The following LAMA1 variants were observed in gnomAD, a reference collection of about 807,000 sequenced individuals.
The protein encoded by LAMA1 is laminin subunit alpha 1, also known as laminin subunit alpha-1.
In LAMA1, 219 loss-of-function variants were observed where a neutral mutation model predicts 348.7. The observed-to-expected ratio is 0.63, with a 90% CI of 0.56 to 0.70. The LOEUF is 0.70. LAMA1 is among the 30% of genes least tolerant of loss of function. The pLI is 0.00. For synonymous variants in LAMA1, 1,487 were observed against 1,491.0 expected (o/e 1.00, Z 0.06); for missense variants, 3,744 against 3,888.0 (o/e 0.96, Z 0.99).
intron 54 of LAMA1, 102 bp downstream of exon 54, chr18:6,959,239 C>G (rs2057595480): frequency 1.4e-6 from 2 of 1,476,940 alleles, no homozygotes; most frequent in South Asian, 1.1e-5. Context: ...TGCCGATGAC[C>G]CCAGTCATCT....
intron 29 of LAMA1, 86 bp from the exon 30 acceptor site, chr18:7,002,471 G>A (rs772737514): frequency 1.1e-4 from 144 of 1,348,522 alleles, no homozygotes; most frequent in Non-Finnish European, 1.3e-4. Context: ...GCACTGCCAC[G>A]TTTTATATCA....
chr18:7,053,823 C>T (rs928961883), intron 3 of LAMA1, among the ~76,000 whole-genome samples: 1 of 149,284 alleles, frequency 6.7e-6, no homozygotes, highest in African/African-American at 2.6e-5. Flanking sequence ...CTCTGTTGCC[C>T]AGGCTGCTGG....
chr18:7,026,652 A>G (rs1485943927), intron 16 of LAMA1, among the ~76,000 whole-genome samples: 1 of 152,190 alleles, frequency 6.6e-6, no homozygotes, highest in African/African-American at 2.4e-5. Flanking sequence ...GAATAATCCA[A>G]GAGAAACAAA....
intron 27 of LAMA1, 99 bp downstream of exon 27, chr18:7,009,140 T>C (rs1195460963): frequency 7.7e-7 from 1 of 1,305,048 alleles, no homozygotes; most frequent in African/African-American, 1.5e-5. Context: ...CTACATGGAT[T>C]AATAAAAATA....
At chr18:7,074,806 CAAA>C (rs2058160109) in intron 3 of LAMA1, among the ~76,000 whole-genome samples, 1 of 151,156 alleles carries the variant, frequency 6.6e-6, no homozygotes, top group Admixed American at 6.6e-5. Flanking sequence ...TTTTAAAAAG[CAAA>C]GAAGTAAATC....
intron 1 of LAMA1, among the ~76,000 whole-genome samples, chr18:7,091,184 A>G (rs532852563): frequency 1.6e-4 from 25 of 152,300 alleles, no homozygotes; most frequent in African/African-American, 6.0e-4. Flanking sequence ...TTTTGTTTCC[A>G]AGGACAACAA....
rs2057628882 is a variant in LAMA1, at chr18:6,965,434, T to C, written c.7051-2A>G. ...CAGCTCGATGGATAAAAAGTCTTTC[T>C]GTAAAAAAGAGAACACAGTTCCCCA... On this transcript the variant is annotated splice_acceptor_variant, in intron 49 of 62. Coordinates refer to ENST00000389658, the MANE Select transcript of LAMA1 (RefSeq NM_005559.4). LOFTEE classifies it high-confidence loss of function. 6.2e-7 allele frequency: 1 copy of C among 1,614,050 alleles called. No individual in the cohort carries two copies. Among genetic ancestry groups the C allele is most frequent in the African/African-American group, 1.3e-5 (1 of 74,938 alleles).
At chr18:6,985,066 G>T (rs556322898) in intron 39 of LAMA1, among the ~76,000 whole-genome samples, 171 bp downstream of exon 39, 2 of 152,078 alleles carry the variant, frequency 1.3e-5, no homozygotes, top group East Asian at 1.9e-4. Context: ...GTAGGCCAAT[G>T]GTAAACTATG....
chr18:6,974,159 G>A (rs1390332233), intron 46 of LAMA1, among the ~76,000 whole-genome samples: 1 of 151,954 alleles, frequency 6.6e-6, no homozygotes, highest in African/African-American at 2.4e-5. Flanking sequence ...TTCTTCTTCT[G>A]ATTGTTGATT....
intron 3 of LAMA1, among the ~76,000 whole-genome samples, chr18:7,065,611 C>G (rs1221690777): frequency 6.6e-6 from 1 of 152,054 alleles, no homozygotes; most frequent in Non-Finnish European, 1.5e-5. Context: ...CCTGTAGTCC[C>G]AGCTACTCGG....
At chr18:7,107,030 C>T (rs1406133720) in intron 1 of LAMA1, among the ~76,000 whole-genome samples, 1 of 151,970 alleles carries the variant, frequency 6.6e-6, no homozygotes. Flanking sequence ...CCCTAACTTA[C>T]ATGAATATGA....
chr18:6,975,931 A>T lies in LAMA1; in HGVS notation c.6489+6T>A. ...CAGTGTCGCTTTCCAAAGGTCCATA[A>T]CTTACAGCGGTGCTGCTACCGAGGT... On this transcript the variant is annotated splice_donor_region_variant and intron_variant, in intron 45 of 62. Transcript: ENST00000389658. 6.2e-7 allele frequency: 1 copy of T among 1,614,122 alleles called. No homozygotes were observed. The highest frequency in any genetic ancestry group is 2.2e-5 in the East Asian group (1 of 44,886).
chr18:7,038,290 C>T (rs1459625386), intron 11 of LAMA1, among the ~76,000 whole-genome samples: 1 of 152,172 alleles, frequency 6.6e-6, no homozygotes, highest in East Asian at 1.9e-4. Flanking sequence ...ACCATCTCCA[C>T]CTCTCCTAGC....
chr18:6,955,021 C>T, intron 57 of LAMA1: 1 of 377,466 alleles, frequency 2.6e-6, no homozygotes, highest in East Asian at 6.6e-5. Flanking sequence ...CTAGGGAATG[C>T]TTAAAGTGGA....
At chr18:7,026,661 AAAG>A (rs1421055614) in intron 16 of LAMA1, among the ~76,000 whole-genome samples, 4 of 152,140 alleles carry the variant, frequency 2.6e-5, no homozygotes, top group African/African-American at 7.2e-5. Context: ...AAGAGAAACA[AAAG>A]AAGGGCCCAG....
In LAMA1 at chr18:7,067,794, C is replaced by A. The variant is rs2058128909; in HGVS notation, c.345+12181G>T. On this transcript the variant is annotated intron_variant, in intron 3 of 62. Transcript: ENST00000389658. ...TAATTTCCAGGCCTTTCCCACCCTG[C>A]TCTTCCCTGCTGCTTCTTCCTTCTG... Among the ~76,000 whole-genome samples the A allele has an allele frequency of 3.3e-5, 5 of 152,036 alleles. No individual in the cohort carries two copies. In the South Asian group the frequency reaches 1.0e-3, roughly 32 times the overall value.
At chr18:7,028,912 C>A (rs1410410707) in intron 16 of LAMA1, among the ~76,000 whole-genome samples, 1 of 152,232 alleles carries the variant, frequency 6.6e-6, no homozygotes, top group Non-Finnish European at 1.5e-5. Context: ...CACCTCAGCT[C>A]CCATTTCCCC....
chr18:6,959,516 TC>T (rs1329556858), intron 53 of LAMA1, 24 bp from the exon 54 acceptor site: 3 of 1,613,722 alleles, frequency 1.9e-6, no homozygotes, highest in Non-Finnish European at 2.5e-6. Context: ...ATAGAGAATT[TC>T]CCAGACAAAA....
chr18:7,089,230 A>T (rs1161643602), intron 1 of LAMA1, among the ~76,000 whole-genome samples: 1 of 151,986 alleles, frequency 6.6e-6, no homozygotes, highest in Non-Finnish European at 1.5e-5. Context: ...AAATACAAAA[A>T]ATTAGCCAGA....
Sources: gnomAD v4.1 joint callset for allele counts (sites outside exome capture counted in the v4.1 genomes callset) on GRCh38, gnomAD v4.1.1 for gene constraint, MANE v1.5 for transcripts, NCBI Gene and HGNC (gene_info 2026-07-23, HGNC 2026-07-21) for gene names.